SLC12A3: variants seen among roughly 807,000 people sequenced by gnomAD.
SLC12A3 encodes the protein Na-Cl cotransporter.
A neutral mutation model predicts 121.0 loss-of-function variants in SLC12A3; 104 were observed. That is an observed-to-expected ratio of 0.86 (90% confidence interval 0.73 to 1.01). The LOEUF (loss-of-function observed/expected upper bound fraction) is 1.01, where lower values mean the gene tolerates loss of function less well. Among genes scored for constraint, SLC12A3 ranks in the 50% least tolerant of loss-of-function variants. The pLI, the probability that SLC12A3 is intolerant of heterozygous loss-of-function variation, is 0.00. For synonymous variants in SLC12A3, 536 were observed against 533.4 expected, an observed-to-expected ratio of 1.00 and a Z score of -0.07; for missense variants, 1,328 against 1,356.3, an observed-to-expected ratio of 0.98 and a Z score of 0.33.
At chr16:56,873,788 T>C (rs1015106160) in intron 8 of SLC12A3, among the ~76,000 whole-genome samples, 4 of 151,510 alleles carry the variant, frequency 2.6e-5, no homozygotes, top group Non-Finnish European at 5.9e-5. Flanking sequence ...CTCAGCTCAC[T>C]GCAACCTCCG....
At chr16:56,871,140 G>GTATCT (rs1248465117) in intron 6 of SLC12A3, among the ~76,000 whole-genome samples, 5 of 152,140 alleles carry the variant, frequency 3.3e-5, no homozygotes, top group Non-Finnish European at 7.4e-5. Flanking sequence ...CTGCTGCTTT[G>GTATCT]TATCTCTTGT....
At chr16:56,872,306 G>C in intron 6 of SLC12A3, 45 bp from the exon 7 acceptor site, 3 of 1,400,318 alleles carry the variant, frequency 2.1e-6, no homozygotes, top group Non-Finnish European at 3.0e-6. Context: ...TCCCAGAGAG[G>C]TAGAACAAAA....
At chr16:56,873,708 A>AT (rs398038206) in intron 8 of SLC12A3, among the ~76,000 whole-genome samples, 57,869 of 125,308 alleles carry the variant, frequency 0.46, 12,814 homozygotes, top group East Asian at 0.67. Context: ...ATTTTATTTT[A>AT]TTTTTTTTTT....
intron 20 of SLC12A3, 104 bp from the exon 21 acceptor site, chr16:56,892,849 G>C (rs1295948573): frequency 7.0e-6 from 6 of 859,284 alleles, no homozygotes; most frequent in Non-Finnish European, 1.2e-5. Flanking sequence ...ACCTGCCAGA[G>C]AACCCGTGTT....
rs1477733834 is a variant in SLC12A3 at position 56,913,500 on chromosome 16, G to A, written c.*95G>A. ...TCCACAGGGATGAGACTCATGTTCT[G>A]TTGCACTTTAAGTGGCAGCATCTGA... is the stretch of plus-strand genomic sequence containing the variant. On this transcript the variant is annotated 3_prime_UTR_variant, in exon 26 of 26. Transcript: ENST00000563236. 1.1e-5 allele frequency: 14 copies of A among 1,287,158 alleles called. No individual in the cohort carries two copies. Among genetic ancestry groups the A allele is most frequent in the Non-Finnish European group, 1.6e-5 (14 of 882,792 alleles). 79.7% of individuals were successfully genotyped at this position (1,287,158 alleles called of 1,614,324 possible).
chr16:56,896,211 G>T (rs1437440005), intron 22 of SLC12A3, among the ~76,000 whole-genome samples: 1 of 152,190 alleles, frequency 6.6e-6, no homozygotes, highest in African/African-American at 2.4e-5. Context: ...GAGTCTTTTG[G>T]TGAGAAGTGC....
chr16:56,875,621 C>T (rs2055155731), intron 8 of SLC12A3, among the ~76,000 whole-genome samples: 1 of 152,050 alleles, frequency 6.6e-6, no homozygotes, highest in South Asian at 2.1e-4. Flanking sequence ...TGTGCACAAT[C>T]CTGCCCCCAC....
Position 56,914,313 on chromosome 16 carries a change from T to G in SLC12A3, c.*908T>G, listed in dbSNP as rs1462829200. 6.6e-6 allele frequency: 1 copy of G among 152,236 alleles called. No homozygotes were observed. The highest frequency in any genetic ancestry group is 1.5e-5 in the Non-Finnish European group (1 of 68,044). 9.4% of individuals were successfully genotyped at this position (152,236 alleles called of 1,614,324 possible). A position where few individuals can be genotyped will look rare whatever the true frequency, so the allele number is the denominator to read the frequency against. ...GAGGGACTTTTCGAACTTTTTTGGTTGCAACACACAGTAAGAAATATACTT... is the reference window on the plus strand; with the variant it reads ...GAGGGACTTTTCGAACTTTTTTGGTGGCAACACACAGTAAGAAATATACTT... On this transcript the variant is annotated 3_prime_UTR_variant, in exon 26 of 26. Transcript: ENST00000563236.
intron 15 of SLC12A3, 118 bp from the exon 16 acceptor site, chr16:56,886,246 A>T (rs369032710): frequency 2.8e-6 from 2 of 717,780 alleles, no homozygotes; most frequent in Non-Finnish European, 4.9e-6. Context: ...GGCCCCAAGC[A>T]TGTAGGGTCA....
intron 6 of SLC12A3, among the ~76,000 whole-genome samples, chr16:56,871,360 A>G (rs1358050019): frequency 6.6e-6 from 1 of 152,186 alleles, no homozygotes; most frequent in African/African-American, 2.4e-5. Flanking sequence ...TTTTTATGGC[A>G]CCATCTGGAA....
At chr16:56,903,524 G>A (rs1179246283) in intron 24 of SLC12A3, among the ~76,000 whole-genome samples, 2 of 152,178 alleles carry the variant, frequency 1.3e-5, no homozygotes, top group Non-Finnish European at 2.9e-5. Context: ...AGAGACCTGC[G>A]ATGCTGCCAA....
intron 8 of SLC12A3, among the ~76,000 whole-genome samples, chr16:56,873,374 C>CTTTTTTTTTTTTTTTT (rs59478629): frequency 5.3e-5 from 4 of 75,372 alleles, no homozygotes; most frequent in Non-Finnish European, 7.3e-5. Context: ...CTCTTTCTTT[C>CTTTTTTTTTTTTTTTT]TTTTTTTTTT....
intron 1 of SLC12A3, among the ~76,000 whole-genome samples, chr16:56,865,854 G>A (rs1003150920): frequency 4.6e-5 from 7 of 152,200 alleles, no homozygotes; most frequent in African/African-American, 1.4e-4. Context: ...AGGGCTCGCC[G>A]GGTTTGCTGC....
At chr16:56,886,323 T>A in intron 15 of SLC12A3, 41 bp from the exon 16 acceptor site, 2 of 1,489,510 alleles carry the variant, frequency 1.3e-6, no homozygotes, top group Non-Finnish European at 1.9e-6. Context: ...CCCCGTGGGC[T>A]CTCTCCTGAT....
chr16:56,873,936 TC>T (rs1213087539), intron 8 of SLC12A3, among the ~76,000 whole-genome samples: 1 of 152,152 alleles, frequency 6.6e-6, no homozygotes, highest in Non-Finnish European at 1.5e-5. Context: ...GGTCTCGATC[TC>T]CTGACCTCAA....
chr16:56,878,041 T>TCCCCCCCCCCCCCCCCCCCCCCCCCC (rs1596904806), intron 8 of SLC12A3, 36 bp from the exon 9 acceptor site: 1 of 393,174 alleles, frequency 2.5e-6, no homozygotes, highest in Non-Finnish European at 4.9e-6. Flanking sequence ...CCTCTCTCCC[T>TCCCCCCCCCCCCCCCCCCCCCCCCCC]CCCTCCCTCC....
At chr16:56,884,422 C>T (rs1358563294) in intron 14 of SLC12A3, among the ~76,000 whole-genome samples, 1 of 151,918 alleles carries the variant, frequency 6.6e-6, no homozygotes, top group Non-Finnish European at 1.5e-5. Flanking sequence ...CCCTGGGCAC[C>T]CAGGACCCTG....
intron 12 of SLC12A3, 93 bp downstream of exon 12, chr16:56,880,346 ATC>A: frequency 1.4e-6 from 2 of 1,456,976 alleles, no homozygotes; most frequent in South Asian, 2.5e-5. Context: ...CTGTCTCCTC[ATC>A]TCCCCGCCGG....
Position 56,894,636 on chromosome 16 carries a change from G to A in SLC12A3, c.2627G>A (p.Arg876Lys). The change falls in exon 22 of 26, where the codon AGA becomes AAA. Residue 876 changes from arginine to lysine, a missense_variant. Arg to Lys is a conservative substitution (Grantham distance 26, BLOSUM62 2). Transcript: ENST00000563236. ...CAGATTAACAGGATGGACCAGGAGAGAAAGGCGTAAGTGTGGAGGGCTGGC... is the reference window on the plus strand; with the variant it reads ...CAGATTAACAGGATGGACCAGGAGAAAAAGGCGTAAGTGTGGAGGGCTGGC... The part of the protein sequence containing the change: ...GGQINRMDQE[R>K]KAIISLLSKF... The A allele has an allele frequency of 1.9e-6, 3 of 1,613,612 alleles. No homozygotes were observed. The highest frequency in any genetic ancestry group is 1.6e-4 in the Middle Eastern group (1 of 6,062).
Sources: gnomAD v4.1 joint callset for allele counts (sites outside exome capture counted in the v4.1 genomes callset) on GRCh38, gnomAD v4.1.1 for gene constraint, MANE v1.5 for transcripts, NCBI Gene and HGNC (gene_info 2026-07-23, HGNC 2026-07-21) for gene names.